The following RBFOX1 variants were observed in gnomAD, a reference collection of about 807,000 sequenced individuals.
RBFOX1 encodes RNA binding fox-1 homolog 1, also known as RNA binding protein fox-1 homolog 1.
RBFOX1 carries 8 observed loss-of-function variants against 57.7 expected under a neutral mutation model. The observed-to-expected ratio is 0.14, with a 90% CI of 0.08 to 0.25. The LOEUF is 0.25. Among genes scored for constraint, RBFOX1 ranks in the 10% least tolerant of loss-of-function variants. The probability of loss-of-function intolerance (pLI) is 1.00; values close to 1 mark genes in which losing one functional copy is unlikely to be tolerated. For synonymous variants in RBFOX1, 326 were observed against 222.4 expected, an observed-to-expected ratio of 1.47 and a Z score of -4.15; for missense variants, 611 against 548.5, an observed-to-expected ratio of 1.11 and a Z score of -1.14.
chr16:5,296,037 TCTC>T (rs2063659069), intron 1 of RBFOX1, among the ~76,000 whole-genome samples: 1 of 151,578 alleles, frequency 6.6e-6, no homozygotes, highest in East Asian at 2.0e-4. Flanking sequence ...TGGTCATCGG[TCTC>T]CTGCCTGTGA....
At chr16:5,289,626 C>A (rs574402829) in intron 1 of RBFOX1, among the ~76,000 whole-genome samples, 1 of 150,850 alleles carries the variant, frequency 6.6e-6, no homozygotes, top group South Asian at 2.1e-4. Flanking sequence ...TAAATATGTG[C>A]CTTGCATCAT....
chr16:6,619,374 C>G (rs1225373655), intron 2 of RBFOX1, among the ~76,000 whole-genome samples: 1 of 152,112 alleles, frequency 6.6e-6, no homozygotes, highest in East Asian at 1.9e-4. Context: ...GCCATCTATG[C>G]CAAGCCCCAC....
intron 4 of RBFOX1, among the ~76,000 whole-genome samples, chr16:7,324,720 C>G (rs2096589136): frequency 1.3e-5 from 2 of 152,176 alleles, no homozygotes; most frequent in African/African-American, 4.8e-5. Context: ...TAATGACTAT[C>G]AGCAGGCTCC....
At chr16:6,929,957 G>A (rs998002340) in intron 3 of RBFOX1, among the ~76,000 whole-genome samples, 1 of 152,170 alleles carries the variant, frequency 6.6e-6, no homozygotes, top group South Asian at 2.1e-4. Context: ...AGTTCGTCAG[G>A]AATCAGAATG....
At chr16:6,366,066 C>T (rs995888116) in intron 2 of RBFOX1, among the ~76,000 whole-genome samples, 9 of 147,236 alleles carry the variant, frequency 6.1e-5, no homozygotes, top group South Asian at 2.2e-4. Flanking sequence ...GGTCTCTGGT[C>T]GAGAATGGTG....
intron 3 of RBFOX1, among the ~76,000 whole-genome samples, chr16:5,668,981 A>G (rs918674181): frequency 6.6e-6 from 1 of 152,198 alleles, no homozygotes; most frequent in Non-Finnish European, 1.5e-5. Context: ...TTCATGATAC[A>G]TTACAGAATT....
In RBFOX1 at chr16:5,485,670, C is replaced by T. The variant is rs139560734; in HGVS notation, c.258+18416C>T. 1.6e-3 allele frequency among the ~76,000 whole-genome samples: 241 copies of T among 152,298 alleles called. 3 individuals are homozygous for T. Among genetic ancestry groups the T allele is most frequent in the East Asian group, 8.1e-3 (42 of 5,188 alleles). ...CAGCAAGGTTAATAACTTGTCCAGG[C>T]AGCCTGAGTCTAAAGGCCAGATTTT... On this transcript the variant is annotated intron_variant, in intron 2 of 2. Coordinates refer to the RBFOX1 transcript ENST00000585867.
chr16:6,983,838 G>A (rs1349368413), intron 3 of RBFOX1: 1 of 152,450 alleles, frequency 6.6e-6, no homozygotes, highest in Non-Finnish European at 1.5e-5. Context: ...ACATTAGGCT[G>A]GGAGGCCCAT....
intron 3 of RBFOX1, among the ~76,000 whole-genome samples, chr16:6,947,326 C>T (rs115182813): frequency 6.6e-6 from 1 of 152,118 alleles, no homozygotes; most frequent in Admixed American, 6.5e-5. Context: ...ATTTAACAGT[C>T]TTTAAGAGAT....
intron 2 of RBFOX1, among the ~76,000 whole-genome samples, chr16:6,600,556 G>C (rs1261826438): frequency 6.6e-6 from 1 of 152,186 alleles, no homozygotes; most frequent in East Asian, 1.9e-4. Flanking sequence ...GTGATTATAA[G>C]ATGTAATTTA....
chr16:6,010,634 C>T (rs1463128611), intron 4 of RBFOX1, among the ~76,000 whole-genome samples: 3 of 152,152 alleles, frequency 2.0e-5, no homozygotes, highest in Non-Finnish European at 4.4e-5. Context: ...GTTGAGCCAC[C>T]CCTAAAGCAA....
chr16:5,488,093 T>C (rs182337509), intron 2 of RBFOX1, among the ~76,000 whole-genome samples: 111 of 149,052 alleles, frequency 7.4e-4, no homozygotes, highest in African/African-American at 2.8e-3. Flanking sequence ...ATTATGGTGA[T>C]GATGGTGATG....
At chr16:6,808,158 A>ATATG (rs1555489832) in intron 3 of RBFOX1, among the ~76,000 whole-genome samples, 6 of 104,562 alleles carry the variant, frequency 5.7e-5, no homozygotes, top group African/African-American at 1.3e-4. Flanking sequence ...TATACCTTAT[A>ATATG]TATGTGTGTG....
At chr16:5,835,242 G>A (rs115123769) in intron 3 of RBFOX1, among the ~76,000 whole-genome samples, 17 of 152,268 alleles carry the variant, frequency 1.1e-4, no homozygotes, top group African/African-American at 3.4e-4. Context: ...CAATGAGCAC[G>A]TGACAATACT....
intron 4 of RBFOX1, among the ~76,000 whole-genome samples, chr16:7,096,941 A>G (rs1459005553): frequency 1.4e-5 from 2 of 144,796 alleles, no homozygotes; most frequent in Non-Finnish European, 3.0e-5. Flanking sequence ...CAAAAAAAAA[A>G]AAAAAAAAAA....
intron 4 of RBFOX1, among the ~76,000 whole-genome samples, chr16:5,959,747 G>C (rs948068305): frequency 6.6e-6 from 1 of 152,172 alleles, no homozygotes; most frequent in African/African-American, 2.4e-5. Flanking sequence ...AGGAGGCAGA[G>C]GTTGTAGTGA....
chr16:7,476,672 G>T (rs1434319281), intron 4 of RBFOX1, among the ~76,000 whole-genome samples: 2 of 152,054 alleles, frequency 1.3e-5, no homozygotes, highest in East Asian at 3.9e-4. Context: ...TCTATAAACT[G>T]TACAAAATTA....
intron 2 of RBFOX1, among the ~76,000 whole-genome samples, chr16:6,412,114 T>C (rs1333903620): frequency 1.5e-5 from 2 of 137,242 alleles, no homozygotes; most frequent in African/African-American, 5.5e-5. Context: ...GTACAGGCAA[T>C]AGTGCAAGAC....
chr16:7,374,447 G>T (rs1250091672), intron 4 of RBFOX1, among the ~76,000 whole-genome samples: 2 of 152,026 alleles, frequency 1.3e-5, no homozygotes, highest in Non-Finnish European at 2.9e-5. Context: ...AATTCATTAG[G>T]GCTTGAGTTC....
Sources: gnomAD v4.1 joint callset for allele counts (sites outside exome capture counted in the v4.1 genomes callset) on GRCh38, gnomAD v4.1.1 for gene constraint, MANE v1.5 for transcripts, NCBI Gene and HGNC (gene_info 2026-07-23, HGNC 2026-07-21) for gene names.